The following ANKFN1 variants were observed in gnomAD, a reference collection of about 807,000 sequenced individuals.
The protein encoded by ANKFN1 is ankyrin repeat and fibronectin type-III domain-containing protein 1.
In ANKFN1, 74 loss-of-function variants were observed where a neutral mutation model predicts 108.7. The ratio of observed to expected loss-of-function variants is 0.68; its 90% CI spans 0.56 to 0.83. The LOEUF (loss-of-function observed/expected upper bound fraction) is 0.83, where lower values mean the gene tolerates loss of function less well. Ranked by LOEUF, ANKFN1 falls within the 40% of genes least tolerant of loss-of-function variation. The probability of loss-of-function intolerance (pLI) is 0.00; values close to 1 mark genes in which losing one functional copy is unlikely to be tolerated. For synonymous variants in ANKFN1, 547 were observed against 516.2 expected (o/e 1.06, Z -0.81); for missense variants, 1,505 against 1,382.3 (o/e 1.09, Z -1.41).
chr17:56,380,990 G>C (rs969190823), intron 8 of ANKFN1, among the ~76,000 whole-genome samples: 1 of 152,190 alleles, frequency 6.6e-6, no homozygotes, highest in Admixed American at 6.5e-5. Flanking sequence ...CTCCTCAAGT[G>C]GGTCCCTGAC....
At chr17:56,461,674 C>T (rs1548809) in intron 14 of ANKFN1, among the ~76,000 whole-genome samples, 120,143 of 152,128 alleles carry the variant, frequency 0.79, 47,858 homozygotes, top group East Asian at 0.97. Context: ...GAGTTTATTA[C>T]TTGTATTATT....
At chr17:56,457,090 T>C (rs2049731991) in intron 12 of ANKFN1, 130 bp downstream of exon 12, 14 of 1,161,730 alleles carry the variant, frequency 1.2e-5, no homozygotes, top group Admixed American at 2.7e-5. Context: ...CCTGAGAATT[T>C]GTGTAAGACA....
chr17:56,280,303 G>A (rs2044044437), intron 3 of ANKFN1, among the ~76,000 whole-genome samples: 1 of 152,162 alleles, frequency 6.6e-6, no homozygotes, highest in South Asian at 2.1e-4. Flanking sequence ...TAATGTGGGA[G>A]GGCAGCATCC....
intron 8 of ANKFN1, among the ~76,000 whole-genome samples, chr17:56,423,579 C>G (rs2048474447): frequency 6.6e-6 from 1 of 152,160 alleles, no homozygotes; most frequent in Admixed American, 6.5e-5. Flanking sequence ...TCTTTCTCTT[C>G]TGCAGTACAT....
intron 8 of ANKFN1, among the ~76,000 whole-genome samples, chr17:56,413,950 T>G (rs975147792): frequency 6.6e-6 from 1 of 152,194 alleles, no homozygotes; most frequent in African/African-American, 2.4e-5. Flanking sequence ...AGTTCTGGGA[T>G]TACAGGCATA....
At chr17:56,263,350 T>A (rs1428110345) in intron 3 of ANKFN1, among the ~76,000 whole-genome samples, 1 of 152,248 alleles carries the variant, frequency 6.6e-6, no homozygotes, top group Non-Finnish European at 1.5e-5. Flanking sequence ...TAGAGAGTGG[T>A]GGTCTTTTAT....
At chr17:56,070,430 C>CT (rs1487332154) in intron 4 of ANKFN1, among the ~76,000 whole-genome samples, 5 of 152,140 alleles carry the variant, frequency 3.3e-5, no homozygotes, top group Admixed American at 6.5e-5. Context: ...ATGTTCCACT[C>CT]TTTTTTGTTA....
At chr17:56,330,543 T>C (rs1256580164) in intron 4 of ANKFN1, among the ~76,000 whole-genome samples, 2 of 152,194 alleles carry the variant, frequency 1.3e-5, no homozygotes, top group African/African-American at 4.8e-5. Flanking sequence ...TTCATAGCTA[T>C]GCATTTGCAT....
intron 2 of ANKFN1, among the ~76,000 whole-genome samples, 21 bp downstream of exon 2, chr17:56,212,700 C>T (rs1437612400): frequency 6.6e-6 from 1 of 152,134 alleles, no homozygotes; most frequent in East Asian, 1.9e-4. Context: ...CCGCAGTCCT[C>T]CTTGAGCCTA....
At position 56,327,519 on chromosome 17, in the gene ANKFN1, G is replaced by T. The variant is rs191961803; in HGVS notation, c.188+1164G>T. On this transcript the variant is annotated intron_variant, in intron 4 of 20. Transcript: ENST00000682825. ...CAAAGTTAGGAAACTGGAGAGATGG[G>T]TGAAGTTTTGCCTGGTGGAAAGGAT... is the stretch of plus-strand genomic sequence containing the variant. Among the ~76,000 whole-genome samples the T allele has an allele frequency of 5.9e-5, 9 of 152,286 alleles. No homozygotes were observed. The East Asian group carries it at 1.2e-3, about 20-fold the overall frequency.
chr17:56,162,312 G>A (rs769356246), intron 1 of ANKFN1, among the ~76,000 whole-genome samples: 7 of 152,194 alleles, frequency 4.6e-5, no homozygotes, highest in Non-Finnish European at 7.3e-5. Context: ...TTCAGCAACC[G>A]AAATTTATTG....
upstream of ANKFN1, among the ~76,000 whole-genome samples, chr17:56,150,078 G>C (rs965654712): frequency 6.6e-6 from 1 of 152,034 alleles, no homozygotes. Context: ...ATATTTCTAC[G>C]TAAGTTTTTT....
At chr17:56,486,924 A>C (rs564735662) in intron 18 of ANKFN1, among the ~76,000 whole-genome samples, 1 of 152,342 alleles carries the variant, frequency 6.6e-6, no homozygotes, top group African/African-American at 2.4e-5. Context: ...TGTTCCTGCC[A>C]GTGGCCTAAG....
chr17:56,047,223 A>G (rs1567776829), intron 4 of ANKFN1, among the ~76,000 whole-genome samples: 1 of 152,108 alleles, frequency 6.6e-6, no homozygotes, highest in Non-Finnish European at 1.5e-5. Context: ...TTATCTGGAG[A>G]CACAGGATCC....
intron 16 of ANKFN1, among the ~76,000 whole-genome samples, chr17:56,480,406 C>T (rs2050654941): frequency 6.6e-6 from 1 of 152,116 alleles, no homozygotes; most frequent in Non-Finnish European, 1.5e-5. Flanking sequence ...TATTTGAGAA[C>T]CCCAATCTCA....
rs1598212259 is a variant in ANKFN1, at chr17:56,193,205, G to C, written c.-70-19393G>C. On this transcript the variant is annotated intron_variant, in intron 1 of 20. Transcript: ENST00000682825. ...CTCATAGGTGGGAATTGAACAATGA[G>C]ATCACATGGACACAGGAAGGGGAAT... Among the ~76,000 whole-genome samples, 3 of 118,540 alleles carry C rather than the reference G, an allele frequency of 2.5e-5. No homozygotes were observed. The South Asian group carries it at 9.5e-4, about 38-fold the overall frequency. The allele number at this position is 118,540 out of a possible 152,430, so 77.8% of individuals were successfully genotyped here.
intron 4 of ANKFN1, among the ~76,000 whole-genome samples, chr17:56,093,353 C>T (rs546396907): frequency 3.3e-5 from 5 of 151,188 alleles, no homozygotes; most frequent in Admixed American, 6.6e-5. Context: ...ACTGTGTGAC[C>T]TTGGGCAAAG....
intron 4 of ANKFN1, among the ~76,000 whole-genome samples, chr17:56,052,935 G>A (rs1406272635): frequency 6.6e-6 from 1 of 152,100 alleles, no homozygotes; most frequent in East Asian, 1.9e-4. Flanking sequence ...TAGCTCCAGA[G>A]TCTGCATTCT....
rs144630177 is a variant in ANKFN1 at position 56,112,883 on chromosome 17, A to G, written c.288+66558A>G. On this transcript the variant is annotated intron_variant, in intron 4 of 12. Coordinates refer to the ANKFN1 transcript ENST00000635860. Reference sequence around the variant, plus strand: ...AATAACAAATATGTATCAGATATATATACACATGCATACATATGCATGTCG... The same window carrying G: ...AATAACAAATATGTATCAGATATATGTACACATGCATACATATGCATGTCG... Among the ~76,000 whole-genome samples the G allele has an allele frequency of 2.1e-4, 32 of 152,352 alleles. No homozygotes were observed. The East Asian group carries it at 6.0e-3, about 28-fold the overall frequency.
Sources: allele counts gnomAD v4.1 joint callset (sites outside exome capture counted in the v4.1 genomes callset), GRCh38; gene constraint gnomAD v4.1.1; transcripts MANE v1.5; gene names NCBI Gene and HGNC (gene_info 2026-07-23, HGNC 2026-07-21).